The following SYNPO2 variants were observed in gnomAD, a reference collection of about 807,000 sequenced individuals.
SYNPO2 encodes the protein synaptopodin-2.
In SYNPO2, 56 loss-of-function variants were observed where a neutral mutation model predicts 85.0. That is an observed-to-expected ratio of 0.66 (90% CI 0.53 to 0.82). The LOEUF (loss-of-function observed/expected upper bound fraction) is 0.82. Among genes scored for constraint, SYNPO2 ranks in the 40% least tolerant of loss-of-function variants. The pLI, the probability that SYNPO2 is intolerant of heterozygous loss-of-function variation, is 0.00. For synonymous variants in SYNPO2, 602 were observed against 591.1 expected (o/e 1.02, Z -0.27); for missense variants, 1,575 against 1,534.2 (o/e 1.03, Z -0.44).
chr4:118,969,971 C>T (rs1240448741), intron 1 of SYNPO2, among the ~76,000 whole-genome samples: 1 of 152,076 alleles, frequency 6.6e-6, no homozygotes, highest in Non-Finnish European at 1.5e-5. Context: ...TGAGCACTTT[C>T]ATTGTTTCAA....
intron 1 of SYNPO2, among the ~76,000 whole-genome samples, chr4:118,970,411 C>A (rs1735494655): frequency 6.6e-6 from 1 of 152,216 alleles, no homozygotes; most frequent in Admixed American, 6.5e-5. Flanking sequence ...GACACAGTCA[C>A]TAGTGAATAA....
chr4:118,893,269 G>A (rs1394328913), intron 1 of SYNPO2, among the ~76,000 whole-genome samples: 3 of 152,172 alleles, frequency 2.0e-5, no homozygotes, highest in African/African-American at 7.2e-5. Context: ...TATTTTAAGG[G>A]AGGTTTCTGA....
chr4:119,042,145 G>C (rs1390092404), intron 4 of SYNPO2: 1 of 152,190 alleles, frequency 6.6e-6, no homozygotes, highest in Non-Finnish European at 1.5e-5. Context: ...ACGTCCAGGA[G>C]ATGGCAGCAA....
intron 1 of SYNPO2, among the ~76,000 whole-genome samples, chr4:118,976,807 T>C (rs573026089): frequency 1.5e-3 from 220 of 150,902 alleles, no homozygotes; most frequent in African/African-American, 5.1e-3. Flanking sequence ...TTTACAATAC[T>C]TGAGCTAGAC....
intron 1 of SYNPO2, among the ~76,000 whole-genome samples, chr4:118,998,152 C>T (rs1736686894): frequency 6.6e-6 from 1 of 152,172 alleles, no homozygotes; most frequent in African/African-American, 2.4e-5. Flanking sequence ...AGGAAAATTA[C>T]AAGGCCTTGA....
In SYNPO2 at chr4:118,866,791, T is replaced by C. The variant is rs1731705718; in HGVS notation, c.12+15851T>C. 2.0e-5 allele frequency among the ~76,000 whole-genome samples: 3 copies of C among 152,040 alleles called. No individual in the cohort carries two copies. The South Asian group carries it at 6.2e-4, about 32-fold the overall frequency. On this transcript the variant is annotated intron_variant, in intron 1 of 4. Transcript: ENST00000610556. ...ATGTGAAGATGTGCTTGCTCCCCCT[T>C]CTCCTTCAGCCACGACTGTAGGTTT... is the stretch of plus-strand genomic sequence containing the variant.
At chr4:119,034,626 G>A (rs2149193555) in intron 4 of SYNPO2, 1 of 985,500 alleles carries the variant, frequency 1.0e-6, no homozygotes, top group East Asian at 1.1e-4. Flanking sequence ...CCACTTTATA[G>A]AAGAGGGTGG....
chr4:118,979,369 G>A (rs1735919491), intron 1 of SYNPO2, among the ~76,000 whole-genome samples: 2 of 152,052 alleles, frequency 1.3e-5, no homozygotes, highest in Admixed American at 1.3e-4. Context: ...TGTAAGGCCG[G>A]GTCTCAAGGT....
intron 1 of SYNPO2, among the ~76,000 whole-genome samples, chr4:119,020,133 G>GT (rs937244468): frequency 6.1e-4 from 93 of 151,714 alleles, no homozygotes; most frequent in African/African-American, 2.2e-3. Flanking sequence ...GTCATACCAT[G>GT]TTTTTTTGGT....
At chr4:118,905,398 C>T (rs1379080832) in intron 1 of SYNPO2, among the ~76,000 whole-genome samples, 4 of 151,862 alleles carry the variant, frequency 2.6e-5, no homozygotes, top group Non-Finnish European at 5.9e-5. Context: ...CTAATATCGC[C>T]TTACCTGCAG....
chr4:119,034,599 T>G (rs1738425290), intron 4 of SYNPO2: 1 of 985,394 alleles, frequency 1.0e-6, no homozygotes, highest in African/African-American at 1.7e-5. Context: ...ATAGGTCTCA[T>G]CTTGGACCAT....
In SYNPO2 at chr4:118,889,324, C is replaced by T. The variant is rs142293775; in HGVS notation, c.105+183C>T. ...AACTTTGGAGAGTAATGGGCCACAT[C>T]CTATGTAATTAACTTGCAATCGATG... On this transcript the variant is annotated intron_variant, in intron 1 of 4. Coordinates refer to ENST00000307142, the MANE Select transcript of SYNPO2 (RefSeq NM_133477.3). 1.5e-4 allele frequency among the ~76,000 whole-genome samples: 23 copies of T among 152,214 alleles called. No homozygotes were observed. The East Asian group carries it at 4.4e-3, about 29-fold the overall frequency.
At chr4:118,891,723 T>TGTA (rs1732385810) in intron 1 of SYNPO2, among the ~76,000 whole-genome samples, 1 of 152,218 alleles carries the variant, frequency 6.6e-6, no homozygotes, top group South Asian at 2.1e-4. Context: ...GATAGCTTAT[T>TGTA]AGGGCTGGAT....
chr4:118,960,076 G>GC (rs553699895), intron 1 of SYNPO2, among the ~76,000 whole-genome samples: 152 of 152,278 alleles, frequency 1.0e-3, no homozygotes, highest in African/African-American at 3.5e-3. Flanking sequence ...GGCCACAAGG[G>GC]CACAAGTCAA....
At chr4:119,029,001 CTT>C (rs1738097517) in intron 3 of SYNPO2, among the ~76,000 whole-genome samples, 1 of 151,378 alleles carries the variant, frequency 6.6e-6, no homozygotes, top group African/African-American at 2.4e-5. Flanking sequence ...TTTTAAATGA[CTT>C]AATTTCTGCA....
chr4:118,986,367 G>A (rs1008941966), intron 1 of SYNPO2, among the ~76,000 whole-genome samples: 2 of 152,136 alleles, frequency 1.3e-5, no homozygotes, highest in African/African-American at 4.8e-5. Context: ...TCTTTTATGA[G>A]CCAGAGATAG....
intron 1 of SYNPO2, among the ~76,000 whole-genome samples, chr4:118,981,188 C>G (rs556780746): frequency 7.2e-4 from 110 of 152,320 alleles, no homozygotes; most frequent in African/African-American, 2.5e-3. Context: ...AACAATGCAA[C>G]AAACCATGAA....
intron 1 of SYNPO2, among the ~76,000 whole-genome samples, chr4:118,955,018 T>A (rs5861398): frequency 0.072 from 8,389 of 116,130 alleles, 279 homozygotes; most frequent in Middle Eastern, 0.2. Context: ...TTTTTTTTTT[T>A]ACACAGAGTC....
intron 1 of SYNPO2, among the ~76,000 whole-genome samples, chr4:118,907,369 C>G (rs1289716999): frequency 6.6e-6 from 1 of 152,072 alleles, no homozygotes; most frequent in Non-Finnish European, 1.5e-5. Flanking sequence ...TGATACAGAC[C>G]ATCTTGTAGA....
Sources: allele counts gnomAD v4.1 joint callset (sites outside exome capture counted in the v4.1 genomes callset), GRCh38; gene constraint gnomAD v4.1.1; transcripts MANE v1.5; gene names NCBI Gene and HGNC (gene_info 2026-07-23, HGNC 2026-07-21).